Variants in PTPRM observed in about 807,000 individuals in gnomAD.
PTPRM encodes receptor-type tyrosine-protein phosphatase mu.
PTPRM carries 47 observed loss-of-function variants against 186.7 expected under a neutral mutation model. The observed-to-expected ratio is 0.25, with a 90% CI of 0.20 to 0.32. The LOEUF (loss-of-function observed/expected upper bound fraction) is 0.32. Ranked by LOEUF, PTPRM falls within the 10% of genes least tolerant of loss-of-function variation. PTPRM has a pLI of 1.00. For missense variants in PTPRM, 1,494 were observed against 1,865.0 expected, an observed-to-expected ratio of 0.80 and a Z score of 3.66; for synonymous variants, 668 against 674.9, an observed-to-expected ratio of 0.99 and a Z score of 0.16.
chr18:8,057,425 C>CTTTTTTTTTTTTTTTTTTTTTTTGTTATT (rs763829289), intron 7 of PTPRM, among the ~76,000 whole-genome samples: 1 of 102,536 alleles, frequency 9.8e-6, no homozygotes, highest in Non-Finnish European at 1.9e-5. Flanking sequence ...TGTGATACTT[C>CTTTTTTTTTTTTTTTTTTTTTTTGTTATT]TTTTTTTTTT....
intron 2 of PTPRM, among the ~76,000 whole-genome samples, chr18:7,870,153 T>C (rs549211052): frequency 2.6e-5 from 4 of 152,342 alleles, no homozygotes; most frequent in Middle Eastern, 3.4e-3. Context: ...AATATCACTC[T>C]AAGCTTTATC....
At chr18:7,640,743 C>G (rs2038424599) in intron 1 of PTPRM, among the ~76,000 whole-genome samples, 2 of 152,084 alleles carry the variant, frequency 1.3e-5, no homozygotes, top group Admixed American at 6.6e-5. Context: ...CCTTTAGATT[C>G]CCAAGTTAAT....
intron 2 of PTPRM, among the ~76,000 whole-genome samples, chr18:7,885,032 G>T (rs548740472): frequency 6.6e-6 from 1 of 151,180 alleles, no homozygotes; most frequent in East Asian, 1.9e-4. Context: ...TTTGTAGCTG[G>T]CAAGTGAACA....
intron 1 of PTPRM, among the ~76,000 whole-genome samples, chr18:7,603,447 C>G (rs894448562): frequency 6.6e-6 from 1 of 152,222 alleles, no homozygotes; most frequent in Non-Finnish European, 1.5e-5. Flanking sequence ...TTAACAGCTA[C>G]CTGGGCTTTG....
intron 5 of PTPRM, among the ~76,000 whole-genome samples, chr18:7,931,649 C>A (rs918568834): frequency 6.6e-6 from 1 of 151,986 alleles, no homozygotes; most frequent in African/African-American, 2.4e-5. Flanking sequence ...TGCAGTGAGC[C>A]GAGGTCGTGC....
chr18:8,049,743 G>C (rs984085810), intron 7 of PTPRM, among the ~76,000 whole-genome samples: 3 of 147,052 alleles, frequency 2.0e-5, no homozygotes, highest in Non-Finnish European at 4.5e-5. Context: ...ATGAAATCTT[G>C]CACTGTCGCC....
intron 7 of PTPRM, among the ~76,000 whole-genome samples, chr18:8,042,481 AAAAC>A (rs1483228003): frequency 6.6e-6 from 1 of 152,222 alleles, no homozygotes; most frequent in Non-Finnish European, 1.5e-5. Flanking sequence ...TCTTAAAAGA[AAAAC>A]AAAATTAAAA....
chr18:8,201,964 C>T (rs1007312194), intron 14 of PTPRM, among the ~76,000 whole-genome samples: 2 of 152,224 alleles, frequency 1.3e-5, no homozygotes, highest in Non-Finnish European at 2.9e-5. Context: ...GAACCCTTGA[C>T]AGAAACATTA....
At position 7,590,367 on chromosome 18, in the gene PTPRM, G is replaced by A. The variant is rs187614571; in HGVS notation, c.73+22476G>A. On this transcript the variant is annotated intron_variant, in intron 1 of 32. Coordinates refer to ENST00000580170, the MANE Select transcript of PTPRM (RefSeq NM_001105244.2). ...ATTCATTGATCAGTGGCTGTTCCCA[G>A]GGTGATGGGTCATCCAAAACAGAGG... 1.6e-4 allele frequency among the ~76,000 whole-genome samples: 25 copies of A among 152,296 alleles called. 1 individual carries two copies. In the East Asian group the frequency reaches 4.6e-3, roughly 28 times the overall value.
chr18:7,956,262 T>C (rs1301777423), intron 7 of PTPRM, among the ~76,000 whole-genome samples: 2 of 152,212 alleles, frequency 1.3e-5, no homozygotes, highest in Non-Finnish European at 2.9e-5. Flanking sequence ...TAGATAAGAA[T>C]ACATTTATCA....
chr18:7,963,828 A>C (rs78617307), intron 7 of PTPRM, among the ~76,000 whole-genome samples: 3,537 of 152,238 alleles, frequency 0.023, 132 homozygotes, highest in African/African-American at 0.081. Context: ...TTGCTATGGG[A>C]AAAACATGAT....
intron 11 of PTPRM, among the ~76,000 whole-genome samples, chr18:8,110,718 T>C (rs1354592256): frequency 1.3e-5 from 2 of 152,176 alleles, no homozygotes; most frequent in Non-Finnish European, 2.9e-5. Flanking sequence ...GTACATACCT[T>C]GATTCCTCAT....
intron 3 of PTPRM, among the ~76,000 whole-genome samples, chr18:7,896,930 T>G (rs1478386047): frequency 6.6e-6 from 1 of 152,258 alleles, no homozygotes; most frequent in African/African-American, 2.4e-5. Flanking sequence ...TGCCTGTTTC[T>G]TTGCTGTATT....
chr18:7,758,588 C>G (rs2041619174), intron 1 of PTPRM, among the ~76,000 whole-genome samples: 1 of 152,164 alleles, frequency 6.6e-6, no homozygotes, highest in Non-Finnish European at 1.5e-5. Flanking sequence ...CCACATCTTT[C>G]TCTGACCTAA....
At chr18:7,719,604 G>T (rs540406412) in intron 1 of PTPRM, among the ~76,000 whole-genome samples, 19 of 152,232 alleles carry the variant, frequency 1.2e-4, no homozygotes, top group Non-Finnish European at 2.8e-4. Context: ...CAATTCATTA[G>T]GTGTAGATAA....
At chr18:8,302,591 G>A (rs566447180) in intron 20 of PTPRM, among the ~76,000 whole-genome samples, 3 of 152,246 alleles carry the variant, frequency 2.0e-5, no homozygotes, top group East Asian at 1.9e-4. Flanking sequence ...CCAGTAGCCC[G>A]AGTGTGACAC....
At chr18:8,386,497 C>A (rs1057286178) in intron 30 of PTPRM, among the ~76,000 whole-genome samples, 1 of 152,296 alleles carries the variant, frequency 6.6e-6, no homozygotes, top group South Asian at 2.1e-4. Context: ...AAGATACAGT[C>A]CAAGTGATTT....
chr18:7,770,821 T>G (rs2042237756), intron 1 of PTPRM, among the ~76,000 whole-genome samples: 1 of 147,800 alleles, frequency 6.8e-6, no homozygotes, highest in African/African-American at 2.7e-5. Flanking sequence ...ATAAACCATC[T>G]TTGTTATTTT....
At chr18:7,928,453 A>G (rs974521480) in intron 5 of PTPRM, among the ~76,000 whole-genome samples, 1 of 152,218 alleles carries the variant, frequency 6.6e-6, no homozygotes, top group Non-Finnish European at 1.5e-5. Flanking sequence ...GTTTTCTCAG[A>G]TAATGGCTAT....
Sources: gnomAD v4.1 joint callset for allele counts (sites outside exome capture counted in the v4.1 genomes callset) on GRCh38, gnomAD v4.1.1 for gene constraint, MANE v1.5 for transcripts, NCBI Gene and HGNC (gene_info 2026-07-23, HGNC 2026-07-21) for gene names.